The following VWA3A variants were observed in gnomAD, a reference collection of about 807,000 sequenced individuals.
VWA3A encodes von Willebrand factor A domain containing 3A, also known as von Willebrand factor A domain-containing protein 3A.
Under a neutral mutation model 160.4 loss-of-function variants are expected in VWA3A, and 134 were observed. That is an observed-to-expected ratio of 0.84 (90% CI 0.73 to 0.96). The LOEUF (loss-of-function observed/expected upper bound fraction) is 0.96, where lower values mean the gene tolerates loss of function less well. Ranked by LOEUF, VWA3A falls within the 40% of genes least tolerant of loss-of-function variation. The probability of loss-of-function intolerance (pLI) is 0.00; values close to 1 mark genes in which losing one functional copy is unlikely to be tolerated. For synonymous variants in VWA3A, 476 were observed against 543.4 expected, an observed-to-expected ratio of 0.88 and a Z score of 1.72; for missense variants, 1,310 against 1,447.9, an observed-to-expected ratio of 0.90 and a Z score of 1.55.
At chr16:22,130,558 TTC>T (rs2045929824) in intron 17 of VWA3A, among the ~76,000 whole-genome samples, 1 of 152,158 alleles carries the variant, frequency 6.6e-6, no homozygotes, top group Non-Finnish European at 1.5e-5. Context: ...AGATCTTAAA[TTC>T]TGTCTTACAG....
chr16:22,117,098 C>A lies in VWA3A; in HGVS notation c.925-13C>A. On this transcript the variant is annotated splice_polypyrimidine_tract_variant and intron_variant, in intron 10 of 33. Transcript: ENST00000389398. ...TGCCCTAGTGAGGCCTGACCCTGGC[C>A]TCATCCCTGCAGGCTGTCCTGAAGA... 3 of 1,573,472 alleles carry A rather than the reference C, an allele frequency of 1.9e-6. No homozygotes were observed. Among genetic ancestry groups the A allele is most frequent in the East Asian group, 4.7e-5 (2 of 42,630 alleles).
intron 22 of VWA3A, among the ~76,000 whole-genome samples, chr16:22,139,795 C>G (rs538105604): frequency 1.3e-5 from 2 of 152,178 alleles, no homozygotes; most frequent in African/African-American, 4.8e-5. Context: ...ACATCCCAGT[C>G]CATTAGGAAG....
At chr16:22,114,883 G>A (rs2045608187) in intron 8 of VWA3A, among the ~76,000 whole-genome samples, 1 of 151,100 alleles carries the variant, frequency 6.6e-6, no homozygotes, top group African/African-American at 2.4e-5. Flanking sequence ...TCAGCTCACT[G>A]CAACCTTCCG....
intron 16 of VWA3A, among the ~76,000 whole-genome samples, chr16:22,125,637 A>C (rs1438634301): frequency 2.0e-5 from 3 of 151,864 alleles, no homozygotes; most frequent in African/African-American, 7.3e-5. Flanking sequence ...GTTAGCCAGG[A>C]TGGTCCCAAT....
At position 22,148,257 on chromosome 16, in the gene VWA3A, A is replaced by G. The variant is rs1204597723; in HGVS notation, c.2935A>G (p.Thr979Ala). 3.1e-6 allele frequency: 5 copies of G among 1,598,192 alleles called. No homozygotes were observed. In the East Asian group the frequency reaches 1.1e-4, roughly 36 times the overall value. Reference protein sequence around the residue: ...SMGPYLQQVKTELVLLIWEQL... With the variant: ...SMGPYLQQVKAELVLLIWEQL... The stretch of plus-strand genomic sequence containing the variant: ...GGGCCCCTACCTGCAGCAGGTGAAG[A>G]CAGAGCTGGTTTTGCTGATTTGGGA... Residue 979 changes from threonine to alanine, a missense_variant, in exon 28 of 34, where the codon ACA becomes GCA. Transcript: ENST00000389398.
At chr16:22,096,339 T>C (rs914454430) in intron 1 of VWA3A, among the ~76,000 whole-genome samples, 1 of 152,190 alleles carries the variant, frequency 6.6e-6, no homozygotes, top group Admixed American at 6.5e-5. Flanking sequence ...TGGCTCACTC[T>C]TATAATCCCA....
rs965987132 is a variant in VWA3A at position 22,110,293 on chromosome 16, C to T, written c.583-595C>T. On this transcript the variant is annotated intron_variant, in intron 7 of 33. Coordinates refer to ENST00000389398, the MANE Select transcript of VWA3A (RefSeq NM_173615.5). ...TGATGTGATGTGGACAGGCTATTTT[C>T]TTACGGGTACCATGGCAGCAATAGC... 2.6e-5 allele frequency among the ~76,000 whole-genome samples: 4 copies of T among 152,200 alleles called. No individual in the cohort carries two copies. The South Asian group carries it at 8.3e-4, about 31-fold the overall frequency.
Position 22,110,935 on chromosome 16 carries a change from G to A in VWA3A, c.630G>A (p.Leu210=), listed in dbSNP as rs1335359555. 5.0e-6 allele frequency: 8 copies of A among 1,610,486 alleles called. No homozygotes were observed. In the South Asian group the frequency reaches 7.8e-5, roughly 16 times the overall value. Residue 210 remains leucine, a synonymous_variant, in exon 8 of 34, where the codon CTG becomes CTA. Transcript: ENST00000389398. ...GCCACAAGGAGAAGCTGTTTGTCCT[G>A]TCCTTTGGCACCAATGCCGGGTCCC... ...QLSHKEKLFV[L]SFGTNAGSLW...
At chr16:22,136,901 A>G (rs12928686) in intron 21 of VWA3A, among the ~76,000 whole-genome samples, 10,968 of 149,102 alleles carry the variant, frequency 0.074, 530 homozygotes, top group South Asian at 0.16. Context: ...ACACGCACAC[A>G]CACACACACA....
At chr16:22,152,763 G>T in intron 31 of VWA3A, 129 bp downstream of exon 31, 1 of 1,390,862 alleles carries the variant, frequency 7.2e-7, no homozygotes. Context: ...CAAAATGTTG[G>T]GATTACAGGC....
intron 1 of VWA3A, among the ~76,000 whole-genome samples, chr16:22,096,432 C>A (rs2045322539): frequency 6.6e-6 from 1 of 152,146 alleles, no homozygotes; most frequent in Non-Finnish European, 1.5e-5. Context: ...ATTACTTCAG[C>A]TTTGGTGACA....
intron 9 of VWA3A, among the ~76,000 whole-genome samples, chr16:22,115,927 G>GA (rs1465469161): frequency 4.8e-5 from 1 of 20,792 alleles, no homozygotes; most frequent in Non-Finnish European, 6.2e-5. Context: ...GGAAGGAAAG[G>GA]AAAGGAAAGG....
At position 22,096,962 on chromosome 16, in the gene VWA3A, GA is replaced by G; in HGVS notation, c.101+18del. 3.9e-6 allele frequency: 4 copies of G among 1,036,792 alleles called. No individual in the cohort carries two copies. The highest frequency in any genetic ancestry group is 5.4e-6 in the Non-Finnish European group (4 of 735,870). The allele number at this position is 1,036,792 out of a possible 1,614,324, so 64.2% of individuals were successfully genotyped here. A position where few individuals can be genotyped will look rare whatever the true frequency, so the allele number is the denominator to read the frequency against. On this transcript the variant is annotated intron_variant, in intron 2 of 33. Coordinates refer to ENST00000389398, the MANE Select transcript of VWA3A (RefSeq NM_173615.5). ...AAACCATTGGTAAGCATAGTTCTCT[GA>G]TTTTTTTTTTTTTTTTTTTTGAGGC... is the stretch of plus-strand genomic sequence containing the variant.
At chr16:22,145,456 C>T (rs947311023) in intron 26 of VWA3A, among the ~76,000 whole-genome samples, 4 of 152,070 alleles carry the variant, frequency 2.6e-5, no homozygotes, top group African/African-American at 9.7e-5. Flanking sequence ...CTGGCCAACA[C>T]AGTGAAACCC....
intron 21 of VWA3A, among the ~76,000 whole-genome samples, chr16:22,135,399 T>C (rs2046021597): frequency 6.6e-6 from 1 of 152,284 alleles, no homozygotes; most frequent in South Asian, 2.1e-4. Flanking sequence ...ATTAAGGACC[T>C]GCGCTACTCC....
At chr16:22,132,130 T>A (rs2045959454) in intron 19 of VWA3A, among the ~76,000 whole-genome samples, 1 of 152,118 alleles carries the variant, frequency 6.6e-6, no homozygotes, top group Non-Finnish European at 1.5e-5. Flanking sequence ...ATGCATGTAA[T>A]CCCAGCACTT....
rs768337929 is a variant in VWA3A, at chr16:22,132,933, G to GGCGGCTGCGACCTCCA, written c.1909_1924dup (p.Leu642ArgfsTer31). ...CAGTGCCTACATGGCTGAGGCCTGTGGCGGCTGCGACCTCCAGCTGAACGT... is the reference window on the plus strand; with the variant it reads ...CAGTGCCTACATGGCTGAGGCCTGTGGCGGCTGCGACCTCCAGCGGCTGCGACCTCCAGCTGAACGT... On this transcript the variant is annotated frameshift_variant, in exon 20 of 34. Coordinates refer to ENST00000389398, the MANE Select transcript of VWA3A (RefSeq NM_173615.5). LOFTEE classifies it high-confidence loss of function. 1.2e-5 allele frequency: 20 copies of GGCGGCTGCGACCTCCA among 1,613,830 alleles called. No homozygotes were observed. The South Asian group carries it at 1.3e-4, about 11-fold the overall frequency.
chr16:22,139,100 G>GT (rs1214345229), intron 22 of VWA3A, among the ~76,000 whole-genome samples: 1 of 152,138 alleles, frequency 6.6e-6, no homozygotes, highest in Admixed American at 6.5e-5. Flanking sequence ...CTCAGACCCT[G>GT]TGAGCACAGC....
intron 3 of VWA3A, among the ~76,000 whole-genome samples, chr16:22,099,124 G>A (rs1236412704): frequency 2.0e-5 from 3 of 151,636 alleles, no homozygotes; most frequent in Admixed American, 6.6e-5. Context: ...TACCATGCTC[G>A]GTGTTTCCAA....
Sources: gnomAD v4.1 joint callset for allele counts (sites outside exome capture counted in the v4.1 genomes callset) on GRCh38, gnomAD v4.1.1 for gene constraint, MANE v1.5 for transcripts, NCBI Gene and HGNC (gene_info 2026-07-23, HGNC 2026-07-21) for gene names.